Variants in DNAH11 observed in about 807,000 individuals in gnomAD.
The protein encoded by DNAH11 is dynein axonemal heavy chain 11.
DNAH11 carries 442 observed loss-of-function variants against 526.0 expected under a neutral mutation model. That is an observed-to-expected ratio of 0.84 (90% CI 0.78 to 0.91). The LOEUF is 0.91. Among genes scored for constraint, DNAH11 ranks in the 40% least tolerant of loss-of-function variants. The pLI, the probability that DNAH11 is intolerant of heterozygous loss-of-function variation, is 0.00. For synonymous variants in DNAH11, 2,461 were observed against 1,935.9 expected (o/e 1.27, Z -7.12); for missense variants, 6,989 against 5,448.7 (o/e 1.28, Z -8.90).
chr7:21,824,463 A>G (rs527641136), intron 65 of DNAH11, among the ~76,000 whole-genome samples: 1 of 152,284 alleles, frequency 6.6e-6, no homozygotes, highest in South Asian at 2.1e-4. Flanking sequence ...TTTTTAATTC[A>G]GTAAATAAAT....
intron 29 of DNAH11, 69 bp from the exon 30 acceptor site, chr7:21,658,729 C>G (rs1648185563): frequency 5.9e-6 from 8 of 1,357,344 alleles, no homozygotes. Context: ...GGCCTTAGAG[C>G]CAGTAGGAGG....
chr7:21,708,768 C>A (rs1001930820), intron 40 of DNAH11, among the ~76,000 whole-genome samples: 1 of 152,212 alleles, frequency 6.6e-6, no homozygotes, highest in Non-Finnish European at 1.5e-5. Context: ...CGGCAACACT[C>A]TTCTGGATGC....
intron 6 of DNAH11, among the ~76,000 whole-genome samples, chr7:21,566,605 A>G (rs946585572): frequency 1.9e-3 from 31 of 16,466 alleles, no homozygotes; most frequent in African/African-American, 7.9e-3. Context: ...TTTTATAATG[A>G]AAAAAAAAAA....
At chr7:21,625,480 G>A (rs1163869349) in intron 25 of DNAH11, among the ~76,000 whole-genome samples, 4 of 151,968 alleles carry the variant, frequency 2.6e-5, no homozygotes, top group African/African-American at 9.7e-5. Flanking sequence ...TCGTTTTGTT[G>A]TCTTTGTAGT....
chr7:21,602,776 C>CTAA (rs1292705071), intron 18 of DNAH11, among the ~76,000 whole-genome samples: 2 of 152,260 alleles, frequency 1.3e-5, no homozygotes, highest in Non-Finnish European at 1.5e-5. Context: ...TTGTTAATGT[C>CTAA]TAAGACCACA....
chr7:21,801,402 A>G lies in DNAH11; in HGVS notation c.10165+127A>G, dbSNP rs1006702157. 6.2e-6 allele frequency: 8 copies of G among 1,292,406 alleles called. No homozygotes were observed. The African/African-American group carries it at 1.2e-4, about 19-fold the overall frequency. 80.1% of individuals were successfully genotyped at this position (1,292,406 alleles called of 1,614,324 possible). A position where few individuals can be genotyped will look rare whatever the true frequency, so the allele number is the denominator to read the frequency against. ...CAACAAAGGATAATATTTGATAATC[A>G]CTCATCCTGTGGCTCTAACTCACCA... On this transcript the variant is annotated intron_variant, in intron 62 of 81. Transcript: ENST00000409508.
rs73279830 is a variant in DNAH11, at chr7:21,854,468, G to A, written c.11202+13G>A. The A allele has an allele frequency of 0.07, 112,398 of 1,609,544 alleles. 8,013 individuals carry two copies. Among genetic ancestry groups the A allele is most frequent in the African/African-American group, 0.33 (24,790 of 74,540 alleles). On this transcript the variant is annotated intron_variant, in intron 68 of 81. Coordinates refer to ENST00000409508, the MANE Select transcript of DNAH11 (RefSeq NM_001277115.2). ...ATTCTCTTTGAAGGTAATGCTGAATGAGCTAAGAAATATGGGAAACTTTAG... is the reference window on the plus strand; with the variant it reads ...ATTCTCTTTGAAGGTAATGCTGAATAAGCTAAGAAATATGGGAAACTTTAG...
chr7:21,819,656 G>A (rs764580303), intron 65 of DNAH11, among the ~76,000 whole-genome samples: 15 of 152,146 alleles, frequency 9.9e-5, no homozygotes, highest in Non-Finnish European at 1.6e-4. Flanking sequence ...GCACAATTTA[G>A]GTGTAAGCAA....
At position 21,861,984 on chromosome 7, in the gene DNAH11, G is replaced by A. The variant is rs371217714; in HGVS notation, c.11334G>A (p.Glu3778=). Residue 3778 remains glutamate (E), a synonymous_variant, in exon 69 of 82, where the codon GAG becomes GAA. Transcript: ENST00000409508. ...VFLYTSQALF[E]KDKLTFLSQM... ...TCTACACCAGCCAGGCGCTGTTTGA[G>A]AAGGACAAGCTCACCTTCCTGTCCC... 42 of 1,613,452 alleles carry A rather than the reference G, an allele frequency of 2.6e-5. No individual in the cohort carries two copies. The highest frequency in any genetic ancestry group is 3.5e-5 in the Non-Finnish European group (41 of 1,179,726).
chr7:21,548,167 G>A, intron 2 of DNAH11, among the ~76,000 whole-genome samples: 1 of 132,020 alleles, frequency 7.6e-6, no homozygotes, highest in Admixed American at 7.2e-5. Flanking sequence ...AAGCTTTTGT[G>A]ATGGTGCCAT....
intron 14 of DNAH11, among the ~76,000 whole-genome samples, chr7:21,598,876 A>G (rs576665964): frequency 6.6e-6 from 1 of 152,150 alleles, no homozygotes; most frequent in Non-Finnish European, 1.5e-5. Flanking sequence ...GCTGAGGATA[A>G]TGGCCTCCAG....
At chr7:21,588,797 G>A (rs1784567210) in intron 11 of DNAH11, among the ~76,000 whole-genome samples, 161 bp downstream of exon 11, 1 of 152,154 alleles carries the variant, frequency 6.6e-6, no homozygotes, top group South Asian at 2.1e-4. Context: ...CATGGTTTTG[G>A]AATATTTCTA....
intron 25 of DNAH11, among the ~76,000 whole-genome samples, chr7:21,629,782 C>G (rs1228247162): frequency 6.6e-6 from 1 of 151,886 alleles, no homozygotes; most frequent in East Asian, 1.9e-4. Context: ...TATCATTTTC[C>G]ACTCTTTCAC....
chr7:21,715,809 A>G (rs2965407), intron 42 of DNAH11, among the ~76,000 whole-genome samples: 40,981 of 150,214 alleles, frequency 0.27, 5,861 homozygotes, highest in South Asian at 0.46. Flanking sequence ...TCTCTATCCT[A>G]TGCTATGTGG....
At chr7:21,698,361 G>A in intron 36 of DNAH11, 148 bp downstream of exon 36, 1 of 1,132,810 alleles carries the variant, frequency 8.8e-7, no homozygotes, top group Non-Finnish European at 1.2e-6. Context: ...GGGGGAACAG[G>A]TGTTTTTTGG....
In DNAH11 at chr7:21,591,493, C is replaced by T; in HGVS notation, c.2583C>T (p.Phe861=). The change falls in exon 14 of 82, where the codon TTC becomes TTT. Residue 861 remains phenylalanine, a synonymous_variant. Transcript: ENST00000409508. ...GAGAGCACAGACGAGAGGCAGCCTTCACCTTGGAGGACAAGGGTGATTTGT... is the reference window on the plus strand; with the variant it reads ...GAGAGCACAGACGAGAGGCAGCCTTTACCTTGGAGGACAAGGGTGATTTGT... ...PRREHRREAA[F]TLEDKGDLFT... is the part of the protein sequence containing the mutation. 6.2e-7 allele frequency: 1 copy of T among 1,612,874 alleles called. No homozygotes were observed. The highest frequency in any genetic ancestry group is 8.5e-7 in the Non-Finnish European group (1 of 1,179,056).
At chr7:21,845,743 A>G (rs1231490671) in intron 66 of DNAH11, among the ~76,000 whole-genome samples, 1 of 152,190 alleles carries the variant, frequency 6.6e-6, no homozygotes, top group Non-Finnish European at 1.5e-5. Flanking sequence ...CAGATTTTCA[A>G]CATCTATAAA....
At chr7:21,754,740 G>T (rs1330880578) in intron 54 of DNAH11, among the ~76,000 whole-genome samples, 1 of 152,066 alleles carries the variant, frequency 6.6e-6, no homozygotes, top group Admixed American at 6.6e-5. Context: ...CTTTGGCCTT[G>T]TCACTCAGTT....
chr7:21,563,087 G>A (rs1027252147), intron 5 of DNAH11, among the ~76,000 whole-genome samples: 1 of 152,130 alleles, frequency 6.6e-6, no homozygotes, highest in Non-Finnish European at 1.5e-5. Flanking sequence ...TCCATTTAGG[G>A]TATATTAAAA....
Sources: gnomAD v4.1 joint callset for allele counts (sites outside exome capture counted in the v4.1 genomes callset) on GRCh38, gnomAD v4.1.1 for gene constraint, MANE v1.5 for transcripts, NCBI Gene and HGNC (gene_info 2026-07-23, HGNC 2026-07-21) for gene names.